The following GRM7 variants were observed in gnomAD, a reference collection of about 807,000 sequenced individuals.
GRM7 encodes the protein glutamate metabotropic receptor 7.
GRM7 carries 35 observed loss-of-function variants against 84.5 expected under a neutral mutation model. That is an observed-to-expected ratio of 0.41 (90% CI 0.32 to 0.55). GRM7 has a LOEUF of 0.55. GRM7 is among the 20% of genes least tolerant of loss of function. The pLI, the probability that GRM7 is intolerant of heterozygous loss-of-function variation, is 0.19. For missense variants in GRM7, 1,003 were observed against 1,194.6 expected, an observed-to-expected ratio of 0.84 and a Z score of 2.36; for synonymous variants, 487 against 455.1, an observed-to-expected ratio of 1.07 and a Z score of -0.89.
At chr3:7,420,387 C>T (rs1696345878) in intron 5 of GRM7, among the ~76,000 whole-genome samples, 1 of 152,144 alleles carries the variant, frequency 6.6e-6, no homozygotes, top group South Asian at 2.1e-4. Flanking sequence ...ATTGAGGAAT[C>T]CACAACAAAA....
intron 1 of GRM7, among the ~76,000 whole-genome samples, chr3:6,924,304 C>T (rs1285940106): frequency 2.6e-5 from 4 of 152,208 alleles, no homozygotes; most frequent in South Asian, 2.1e-4. Flanking sequence ...CAAATATCTC[C>T]AAGATCATCA....
intron 7 of GRM7, among the ~76,000 whole-genome samples, chr3:7,470,261 G>A (rs1329691562): frequency 6.6e-6 from 1 of 152,042 alleles, no homozygotes; most frequent in East Asian, 1.9e-4. Flanking sequence ...CTGGAAATTG[G>A]TTTCTAAAAA....
intron 3 of GRM7, 27 bp downstream of exon 3, chr3:7,298,852 A>G: frequency 1.3e-6 from 2 of 1,595,078 alleles, no homozygotes; most frequent in Admixed American, 3.3e-5. Flanking sequence ...ACAATTGTTA[A>G]TATGCATGTT....
chr3:7,313,146 C>G (rs1700466396), intron 4 of GRM7, among the ~76,000 whole-genome samples: 1 of 152,024 alleles, frequency 6.6e-6, no homozygotes. Context: ...TCAGGCTGGT[C>G]TCAAACTCCT....
At chr3:7,668,066 C>A (rs1699771607) in intron 8 of GRM7, among the ~76,000 whole-genome samples, 1 of 152,046 alleles carries the variant, frequency 6.6e-6, no homozygotes, top group South Asian at 2.1e-4. Context: ...TTATTATTGA[C>A]AATTATGCTT....
In GRM7 at chr3:7,386,640, G is replaced by T. The variant is rs188445283; in HGVS notation, c.1034-28383G>T. 1.1e-3 allele frequency among the ~76,000 whole-genome samples: 160 copies of T among 152,280 alleles called. 2 individuals are homozygous for T. Among genetic ancestry groups the T allele is most frequent in the African/African-American group, 3.7e-3 (152 of 41,572 alleles). ...TTATGGCTACATAGTATTCCATGGT[G>T]TATATGTACCACATCATCCAATTCA... On this transcript the variant is annotated intron_variant, in intron 4 of 9. Transcript: ENST00000357716.
intron 7 of GRM7, among the ~76,000 whole-genome samples, chr3:7,516,307 C>G (rs540792020): frequency 2.0e-5 from 3 of 150,966 alleles, no homozygotes; most frequent in Non-Finnish European, 4.4e-5. Context: ...GAAACCCTGT[C>G]TCTACTAAAA....
chr3:7,161,649 A>G (rs1309786886), intron 2 of GRM7, among the ~76,000 whole-genome samples: 1 of 152,176 alleles, frequency 6.6e-6, no homozygotes, highest in Non-Finnish European at 1.5e-5. Context: ...TACACTAATT[A>G]TGTGAATATA....
chr3:7,512,792 G>A (rs1700255832), intron 7 of GRM7, among the ~76,000 whole-genome samples: 2 of 152,020 alleles, frequency 1.3e-5, no homozygotes, highest in Non-Finnish European at 2.9e-5. Context: ...GCTTTGAGAA[G>A]GAGAAGACAG....
At chr3:7,220,109 A>T in intron 2 of GRM7, among the ~76,000 whole-genome samples, 1 of 152,238 alleles carries the variant, frequency 6.6e-6, no homozygotes. Flanking sequence ...CAAATCTCTT[A>T]TACAGAAGAA....
At chr3:7,372,196 A>G (rs1694166900) in intron 4 of GRM7, among the ~76,000 whole-genome samples, 1 of 152,106 alleles carries the variant, frequency 6.6e-6, no homozygotes. Context: ...GGGAAGGAGG[A>G]ACGGTTTGTG....
rs1342945655 is a variant in GRM7 at position 7,229,720 on chromosome 3, CACACACAT to C, written c.737-68962_737-68955del. Among the ~76,000 whole-genome samples, 31 of 14,250 alleles carry C rather than the reference CACACACAT, an allele frequency of 2.2e-3. 2 individuals are homozygous for C. In the East Asian group the frequency reaches 0.051, roughly 23 times the overall value. The allele number at this position is 14,250 out of a possible 152,430, so 9.3% of individuals were successfully genotyped here. A position where few individuals can be genotyped will look rare whatever the true frequency, so the allele number is the denominator to read the frequency against. On this transcript the variant is annotated intron_variant, in intron 2 of 9. Coordinates refer to ENST00000357716, the MANE Select transcript of GRM7 (RefSeq NM_000844.4). ...CTTCCCCAACCCCGCTCTCCATAGA[CACACACAT>C]ATATATATATATATATATATATATA...
At chr3:7,173,314 C>G (rs1695044494) in intron 2 of GRM7, among the ~76,000 whole-genome samples, 1 of 152,198 alleles carries the variant, frequency 6.6e-6, no homozygotes, top group African/African-American at 2.4e-5. Context: ...TGCTGCCACT[C>G]CCCTGGTCCA....
rs147508958 is a variant in GRM7 at position 6,882,779 on chromosome 3, C to T, written c.519+20872C>T. ...CATGTCATTTAATAAGGCTATATCA[C>T]AAACTTAAATAGCTCAGCAGCATTT... On this transcript the variant is annotated intron_variant, in intron 1 of 9. Coordinates refer to ENST00000357716, the MANE Select transcript of GRM7 (RefSeq NM_000844.4). Among the ~76,000 whole-genome samples the T allele has an allele frequency of 9.5e-3, 1,443 of 152,248 alleles. 23 individuals carry two copies. The highest frequency in any genetic ancestry group is 0.013 in the Non-Finnish European group (862 of 68,020).
intron 8 of GRM7, among the ~76,000 whole-genome samples, chr3:7,672,363 A>C (rs1699951477): frequency 6.6e-6 from 1 of 152,228 alleles, no homozygotes; most frequent in Non-Finnish European, 1.5e-5. Context: ...TGAATGTTTC[A>C]AACATCTGTC....
At chr3:7,565,387 C>A (rs1270337025) in intron 7 of GRM7, among the ~76,000 whole-genome samples, 2 of 152,130 alleles carry the variant, frequency 1.3e-5, no homozygotes, top group Non-Finnish European at 2.9e-5. Flanking sequence ...AGACTTTAAT[C>A]GAGTCTCATT....
chr3:7,201,665 GCTA>G (rs2125114202), intron 2 of GRM7, among the ~76,000 whole-genome samples: 1 of 152,276 alleles, frequency 6.6e-6, no homozygotes, highest in Non-Finnish European at 1.5e-5. Flanking sequence ...TTCAGAAGCA[GCTA>G]CTATTATCCT....
At chr3:7,226,841 A>G (rs1696998712) in intron 2 of GRM7, among the ~76,000 whole-genome samples, 2 of 152,070 alleles carry the variant, frequency 1.3e-5, no homozygotes, top group Admixed American at 1.3e-4. Context: ...TAAAAATAAA[A>G]CTCTATTTTA....
At chr3:7,391,044 T>C (rs1575264837) in intron 4 of GRM7, among the ~76,000 whole-genome samples, 1 of 152,214 alleles carries the variant, frequency 6.6e-6, no homozygotes, top group East Asian at 1.9e-4. Flanking sequence ...GATTTTTTTT[T>C]CTTTTTTTTT....
Sources: allele counts gnomAD v4.1 joint callset (sites outside exome capture counted in the v4.1 genomes callset), GRCh38; gene constraint gnomAD v4.1.1; transcripts MANE v1.5; gene names NCBI Gene and HGNC (gene_info 2026-07-23, HGNC 2026-07-21).